Variants in TDRD5 observed in about 807,000 individuals in gnomAD.
TDRD5 encodes tudor domain-containing protein 5.
TDRD5 carries 41 observed loss-of-function variants against 120.6 expected under a neutral mutation model. The ratio of observed to expected loss-of-function variants is 0.34; its 90% CI spans 0.26 to 0.44. The LOEUF (loss-of-function observed/expected upper bound fraction) is 0.44, where lower values mean the gene tolerates loss of function less well. Ranked by LOEUF, TDRD5 falls within the 20% of genes least tolerant of loss-of-function variation. TDRD5 has a pLI of 1.00. For missense variants in TDRD5, 1,006 were observed against 1,221.2 expected, an observed-to-expected ratio of 0.82 and a Z score of 2.63; for synonymous variants, 430 against 433.7, an observed-to-expected ratio of 0.99 and a Z score of 0.11.
chr1:179,662,778 A>G (rs1413542996), intron 15 of TDRD5, among the ~76,000 whole-genome samples: 1 of 152,206 alleles, frequency 6.6e-6, no homozygotes, highest in Non-Finnish European at 1.5e-5. Context: ...TCATCATGGG[A>G]CAATAAACCA....
chr1:179,669,853 T>A (rs951084736), intron 17 of TDRD5, among the ~76,000 whole-genome samples: 3 of 152,252 alleles, frequency 2.0e-5, no homozygotes, highest in Non-Finnish European at 4.4e-5. Flanking sequence ...GTAGTTTTTA[T>A]GTCTGGCTGG....
At position 179,634,489 on chromosome 1, in the gene TDRD5, T is replaced by A; in HGVS notation, c.1159T>A (p.Cys387Ser). 6.2e-7 allele frequency: 1 copy of A among 1,604,986 alleles called. No individual in the cohort carries two copies. The highest frequency in any genetic ancestry group is 8.5e-7 in the Non-Finnish European group (1 of 1,178,026). ...AGATAAGAAAATAGAAGCCAAAGCTTGTGTCTCCAGTCCACCTAGAAATTC... is the reference window on the plus strand; with the variant it reads ...AGATAAGAAAATAGAAGCCAAAGCTAGTGTCTCCAGTCCACCTAGAAATTC... ...QSDKKIEAKA[C>S]VSSPPRNSLS... The change falls in exon 8 of 18, where the codon TGT (cysteine) becomes AGT (serine). Residue 387 changes from cysteine to serine, a missense_variant. Physicochemically the swap from Cys to Ser is moderately radical, Grantham distance 112. Transcript: ENST00000444136.
chr1:179,684,956 A>AC (rs1680622308), intron 17 of TDRD5, among the ~76,000 whole-genome samples: 1 of 152,134 alleles, frequency 6.6e-6, no homozygotes, highest in Non-Finnish European at 1.5e-5. Flanking sequence ...CCTTTGTCAG[A>AC]TGGGTAGATT....
intron 4 of TDRD5, among the ~76,000 whole-genome samples, chr1:179,615,155 C>T (rs982978829): frequency 2.0e-5 from 3 of 151,914 alleles, no homozygotes; most frequent in African/African-American, 7.3e-5. Flanking sequence ...ATTGTAATTA[C>T]ATATATATAT....
chr1:179,635,282 C>T (rs1013495742), intron 8 of TDRD5, among the ~76,000 whole-genome samples: 2 of 152,128 alleles, frequency 1.3e-5, no homozygotes, highest in African/African-American at 2.4e-5. Context: ...GAAATTTAAC[C>T]TACTAAAGTT....
At chr1:179,688,130 T>A (rs1419765468) in intron 17 of TDRD5, among the ~76,000 whole-genome samples, 1 of 152,210 alleles carries the variant, frequency 6.6e-6, no homozygotes, top group African/African-American at 2.4e-5. Context: ...ATGCAGTTTC[T>A]TCCTAGCATT....
chr1:179,683,954 C>T (rs1680563096), intron 17 of TDRD5, among the ~76,000 whole-genome samples: 1 of 152,118 alleles, frequency 6.6e-6, no homozygotes, highest in Non-Finnish European at 1.5e-5. Flanking sequence ...GCATCCCCTT[C>T]CTTGGCTATT....
At chr1:179,623,625 C>CTTT (rs11428251) in intron 6 of TDRD5, among the ~76,000 whole-genome samples, 3,593 of 97,836 alleles carry the variant, frequency 0.037, 101 homozygotes, top group East Asian at 0.078. Flanking sequence ...CCAACTCATT[C>CTTT]TTTTTTTTTT....
intron 17 of TDRD5, among the ~76,000 whole-genome samples, chr1:179,670,600 G>A (rs1242490775): frequency 3.3e-5 from 5 of 152,126 alleles, no homozygotes; most frequent in Admixed American, 2.6e-4. Context: ...AATTTTGCCA[G>A]TCTGTTGGGT....
intron 6 of TDRD5, among the ~76,000 whole-genome samples, chr1:179,626,234 AAAG>A (rs146168926): frequency 0.17 from 25,402 of 152,098 alleles, 2,563 homozygotes; most frequent in Admixed American, 0.22. Context: ...AAAAGAAAAA[AAAG>A]AAGTAAACAG....
intron 14 of TDRD5, among the ~76,000 whole-genome samples, chr1:179,657,247 C>T (rs540051792): frequency 6.6e-6 from 1 of 152,212 alleles, no homozygotes; most frequent in South Asian, 2.1e-4. Flanking sequence ...AGTCCATGAA[C>T]ATGGTGTATC....
At chr1:179,666,983 G>A (rs1310147236) in intron 16 of TDRD5, among the ~76,000 whole-genome samples, 1 of 152,176 alleles carries the variant, frequency 6.6e-6, no homozygotes, top group African/African-American at 2.4e-5. Context: ...TATAACTACA[G>A]AAGAATAAAT....
At chr1:179,649,826 T>G (rs917394623) in intron 11 of TDRD5, among the ~76,000 whole-genome samples, 4 of 152,190 alleles carry the variant, frequency 2.6e-5, no homozygotes, top group African/African-American at 9.7e-5. Context: ...GGTTGAATAA[T>G]AAAGGCTGAG....
At chr1:179,645,337 G>T (rs537452559) in intron 11 of TDRD5, among the ~76,000 whole-genome samples, 3 of 151,642 alleles carry the variant, frequency 2.0e-5, no homozygotes, top group Non-Finnish European at 2.9e-5. Context: ...CGCCCGCCTC[G>T]GCCTCCCAAA....
chr1:179,602,995 C>G (rs143903008), intron 4 of TDRD5, among the ~76,000 whole-genome samples: 2,859 of 152,232 alleles, frequency 0.019, 99 homozygotes, highest in African/African-American at 0.065. Context: ...AATATTGATT[C>G]TATCCATCCA....
chr1:179,664,710 G>C (rs1375071347), intron 16 of TDRD5, among the ~76,000 whole-genome samples: 1 of 152,110 alleles, frequency 6.6e-6, no homozygotes, highest in Admixed American at 6.6e-5. Context: ...TCATCAGTTG[G>C]TGGGAATTTG....
Position 179,651,038 on chromosome 1 carries a change from A to G in TDRD5, c.1972A>G (p.Ile658Val). The change falls in exon 12 of 18, where the codon ATT (isoleucine) becomes GTT (valine). Residue 658 changes from isoleucine to valine, a missense_variant. By Grantham distance (29) the Ile-to-Val change is conservative. Around this residue, in one of 3 missense-constraint regions of TDRD5, gnomAD observed 403 missense variants for 448.1 expected, o/e 0.90. Transcript: ENST00000444136. Reference sequence around the variant, plus strand: ...TGTCTTGAGAACAGAGGGCCATGCTATTGTATGCCGAGAAAATATCTCTTC... The same window carrying G: ...TGTCTTGAGAACAGAGGGCCATGCTGTTGTATGCCGAGAAAATATCTCTTC... The part of the protein sequence containing the change: ...HHVLRTEGHA[I>V]VCRENISSKG... 4 of 1,614,118 alleles carry G rather than the reference A, an allele frequency of 2.5e-6. No individual in the cohort carries two copies. The highest frequency in any genetic ancestry group is 2.5e-6 in the Non-Finnish European group (3 of 1,180,002).
chr1:179,689,291 G>A (rs1680965737), intron 17 of TDRD5, among the ~76,000 whole-genome samples: 1 of 152,208 alleles, frequency 6.6e-6, no homozygotes, highest in Non-Finnish European at 1.5e-5. Context: ...CTCAGCTGCA[G>A]GTCTGTTGGA....
chr1:179,608,302 A>G (rs150060500), intron 4 of TDRD5, among the ~76,000 whole-genome samples: 2 of 151,616 alleles, frequency 1.3e-5, no homozygotes, highest in Non-Finnish European at 2.9e-5. Context: ...TGAGCTTCTT[A>G]TATCATTGAG....
Sources: allele counts gnomAD v4.1 joint callset (sites outside exome capture counted in the v4.1 genomes callset), GRCh38; gene constraint gnomAD v4.1.1; regional missense constraint gnomAD v4.1.1; transcripts MANE v1.5; gene names NCBI Gene and HGNC (gene_info 2026-07-23, HGNC 2026-07-21).